Variants in GALNT1 observed in about 807,000 individuals in gnomAD.
GALNT1 encodes the protein polypeptide N-acetylgalactosaminyltransferase 1.
Under a neutral mutation model 65.7 loss-of-function variants are expected in GALNT1, and 17 were observed. That is an observed-to-expected ratio of 0.26 (90% CI 0.18 to 0.39). GALNT1 has a LOEUF of 0.39. GALNT1 is among the 10% of genes least tolerant of loss of function. The probability of loss-of-function intolerance (pLI) is 1.00; values close to 1 mark genes in which losing one functional copy is unlikely to be tolerated. For synonymous variants in GALNT1, 210 were observed against 219.7 expected (o/e 0.96, Z 0.39); for missense variants, 460 against 672.8 (o/e 0.68, Z 3.50).
chr18:35,614,038 A>G (rs1480856641), intron 1 of GALNT1, among the ~76,000 whole-genome samples: 1 of 152,236 alleles, frequency 6.6e-6, no homozygotes, highest in East Asian at 1.9e-4. Flanking sequence ...TAAAAAACCA[A>G]AAACACTTTA....
chr18:35,649,700 G>A (rs1568023873), intron 1 of GALNT1, among the ~76,000 whole-genome samples: 1 of 151,940 alleles, frequency 6.6e-6, no homozygotes, highest in Non-Finnish European at 1.5e-5. Flanking sequence ...ATTTTATTCT[G>A]TTTTATTCCA....
At chr18:35,591,518 T>C (rs2046443887) in intron 1 of GALNT1, among the ~76,000 whole-genome samples, 1 of 152,194 alleles carries the variant, frequency 6.6e-6, no homozygotes, top group Non-Finnish European at 1.5e-5. Flanking sequence ...CAGGTAAACC[T>C]GTCCCCATGG....
chr18:35,660,911 A>G (rs539997690), intron 2 of GALNT1, among the ~76,000 whole-genome samples: 3 of 152,274 alleles, frequency 2.0e-5, no homozygotes, highest in African/African-American at 7.2e-5. Flanking sequence ...CTGAAATTTC[A>G]TATGTAACAG....
intron 9 of GALNT1, among the ~76,000 whole-genome samples, chr18:35,697,392 T>C (rs931581484): frequency 3.3e-5 from 5 of 152,220 alleles, no homozygotes; most frequent in African/African-American, 7.2e-5. Context: ...AGGTCAAATA[T>C]GTTTGGGCAA....
chr18:35,707,690 C>T (rs1007785588), intron 11 of GALNT1, among the ~76,000 whole-genome samples: 1 of 152,186 alleles, frequency 6.6e-6, no homozygotes, highest in African/African-American at 2.4e-5. Flanking sequence ...TTAAGAGAGA[C>T]CAACTCTCCC....
intron 1 of GALNT1, among the ~76,000 whole-genome samples, chr18:35,587,785 G>A (rs1373987551): frequency 6.6e-6 from 1 of 152,152 alleles, no homozygotes; most frequent in Non-Finnish European, 1.5e-5. Flanking sequence ...ATTCATGGGG[G>A]CATTTAGCAA....
intron 3 of GALNT1, among the ~76,000 whole-genome samples, chr18:35,674,322 T>C (rs1598802377): frequency 6.6e-6 from 1 of 152,180 alleles, no homozygotes; most frequent in Admixed American, 6.5e-5. Flanking sequence ...AGGCCATAGG[T>C]ATTTTTCAGT....
At chr18:35,633,878 C>T (rs2047055004) in intron 1 of GALNT1, among the ~76,000 whole-genome samples, 1 of 152,116 alleles carries the variant, frequency 6.6e-6, no homozygotes, top group African/African-American at 2.4e-5. Flanking sequence ...GGACCAGTTT[C>T]AGAAATTGAA....
chr18:35,669,312 G>C (rs887883280), intron 3 of GALNT1, among the ~76,000 whole-genome samples: 1 of 152,170 alleles, frequency 6.6e-6, no homozygotes, highest in African/African-American at 2.4e-5. Context: ...GGCATAGATG[G>C]CTTTGCCAAT....
intron 1 of GALNT1, among the ~76,000 whole-genome samples, chr18:35,600,664 T>G (rs560091472): frequency 6.6e-6 from 1 of 152,250 alleles, no homozygotes; most frequent in Admixed American, 6.5e-5. Context: ...GTTTGTCACA[T>G]ATGGCCTTTA....
chr18:35,635,815 G>C (rs2047081434), intron 1 of GALNT1, among the ~76,000 whole-genome samples: 1 of 151,646 alleles, frequency 6.6e-6, no homozygotes, highest in African/African-American at 2.4e-5. Flanking sequence ...ACAGCTATTT[G>C]TATTATATAA....
rs2048190810 is a variant in GALNT1, at chr18:35,703,010, AAACT to A, written c.1398+16_1398+19del. The stretch of plus-strand genomic sequence containing the variant: ...GGGGTAATCAGGTGAGTATCTTAGA[AAACT>A]CTTAAAAGGGATAATTTTCAGATTG... On this transcript the variant is annotated intron_variant, in intron 10 of 11. Transcript: ENST00000269195. The A allele has an allele frequency of 1.4e-6, 2 of 1,473,278 alleles. No homozygotes were observed. Among genetic ancestry groups the A allele is most frequent in the Admixed American group, 2.0e-5 (1 of 48,834 alleles). The allele number at this position is 1,473,278 out of a possible 1,614,324, so 91.3% of individuals were successfully genotyped here.
intron 1 of GALNT1, among the ~76,000 whole-genome samples, chr18:35,631,667 C>G (rs1247991760): frequency 6.6e-6 from 1 of 152,126 alleles, no homozygotes. Flanking sequence ...TGCCCTCTCT[C>G]ACCACTCCTT....
intron 4 of GALNT1, among the ~76,000 whole-genome samples, chr18:35,682,734 CA>C (rs2047804088): frequency 6.6e-6 from 1 of 151,984 alleles, no homozygotes; most frequent in African/African-American, 2.4e-5. Context: ...CATACACCCA[CA>C]TACTCTCCCT....
chr18:35,687,975 C>CT (rs1267790621), intron 6 of GALNT1, among the ~76,000 whole-genome samples: 3 of 152,158 alleles, frequency 2.0e-5, no homozygotes, highest in Non-Finnish European at 4.4e-5. Context: ...TGACTGTGTG[C>CT]TTTTTTCCTT....
chr18:35,659,585 G>T (rs1328248127), intron 2 of GALNT1, among the ~76,000 whole-genome samples: 1 of 152,092 alleles, frequency 6.6e-6, no homozygotes, highest in African/African-American at 2.4e-5. Context: ...ATGGATTTGG[G>T]TGTTATATAG....
intron 4 of GALNT1, among the ~76,000 whole-genome samples, chr18:35,680,197 A>G (rs1415690939): frequency 4.6e-5 from 7 of 152,046 alleles, no homozygotes; most frequent in Admixed American, 1.3e-4. Context: ...AATTGTACTG[A>G]TTTTGTTCCC....
chr18:35,661,429 G>A (rs193288906), intron 2 of GALNT1, among the ~76,000 whole-genome samples: 2 of 151,622 alleles, frequency 1.3e-5, no homozygotes, highest in Non-Finnish European at 2.9e-5. Flanking sequence ...GAATCTGGGA[G>A]ACAAAGGTTG....
chr18:35,611,588 T>C (rs532661), intron 1 of GALNT1, among the ~76,000 whole-genome samples: 70,878 of 152,012 alleles, frequency 0.47, 16,784 homozygotes, highest in Middle Eastern at 0.61. Context: ...AGGTCCAATA[T>C]GTAATCAGAC....
Sources: gnomAD v4.1 joint callset for allele counts (sites outside exome capture counted in the v4.1 genomes callset) on GRCh38, gnomAD v4.1.1 for gene constraint, MANE v1.5 for transcripts, NCBI Gene and HGNC (gene_info 2026-07-23, HGNC 2026-07-21) for gene names.